The following PRIM2 variants were observed in gnomAD, a reference collection of about 807,000 sequenced individuals.
The protein encoded by PRIM2 is DNA primase large subunit.
PRIM2 carries 39 observed loss-of-function variants against 67.3 expected under a neutral mutation model. The ratio of observed to expected loss-of-function variants is 0.58; its 90% CI spans 0.45 to 0.76. The LOEUF is 0.76. PRIM2 is among the 30% of genes least tolerant of loss of function. PRIM2 has a pLI of 0.00. For missense variants in PRIM2, 398 were observed against 598.7 expected, an observed-to-expected ratio of 0.66 and a Z score of 3.50; for synonymous variants, 143 against 198.7, an observed-to-expected ratio of 0.72 and a Z score of 2.36.
At chr6:57,393,500 A>G (rs1023516195) in intron 7 of PRIM2, among the ~76,000 whole-genome samples, 2 of 151,714 alleles carry the variant, frequency 1.3e-5, no homozygotes, top group African/African-American at 4.8e-5. Flanking sequence ...TTTTGATGGA[A>G]TTGTTTGTTT....
At chr6:57,346,059 G>A (rs1768665902) in intron 5 of PRIM2, among the ~76,000 whole-genome samples, 2 of 152,116 alleles carry the variant, frequency 1.3e-5, no homozygotes, top group African/African-American at 4.8e-5. Flanking sequence ...GTGGGTTTTG[G>A]CTGGCTTCTT....
intron 8 of PRIM2, among the ~76,000 whole-genome samples, chr6:57,510,360 C>G (rs1315918401): frequency 4.6e-5 from 7 of 152,062 alleles, no homozygotes; most frequent in Non-Finnish European, 1.0e-4. Flanking sequence ...TAGAAAACCA[C>G]TGGTTCAAAA....
At chr6:57,293,297 C>T in the PRIM2 span, among the ~76,000 whole-genome samples, 7 of 152,156 alleles carry the variant, frequency 4.6e-5, no homozygotes, top group East Asian at 1.9e-4. Context: ...TACCATCTCA[C>T]GCCTGTTAGA....
At chr6:57,522,318 A>G (rs1774641869) in intron 8 of PRIM2, among the ~76,000 whole-genome samples, 2 of 152,152 alleles carry the variant, frequency 1.3e-5, no homozygotes, top group Non-Finnish European at 2.9e-5. Flanking sequence ...TGGCTATTCT[A>G]TAGGTATACC....
intron 7 of PRIM2, among the ~76,000 whole-genome samples, chr6:57,425,400 A>G (rs1771589543): frequency 1.3e-5 from 2 of 152,176 alleles, no homozygotes; most frequent in South Asian, 4.1e-4. Flanking sequence ...TATTTTTAGT[A>G]GAGATGGGGT....
the PRIM2 span, among the ~76,000 whole-genome samples, chr6:57,300,404 T>G: frequency 2.0e-5 from 3 of 152,178 alleles, no homozygotes; most frequent in Non-Finnish European, 4.4e-5. Context: ...GGATACTTGC[T>G]GTTCATTGCT....
intron 10 of PRIM2, among the ~76,000 whole-genome samples, chr6:57,561,292 C>T (rs1348591092): frequency 9.9e-5 from 15 of 152,284 alleles, no homozygotes; most frequent in Non-Finnish European, 2.1e-4. Context: ...AGTGCAGTGG[C>T]GTGATCTGGG....
chr6:57,552,364 A>G (rs1403675471), intron 10 of PRIM2, among the ~76,000 whole-genome samples: 4 of 151,968 alleles, frequency 2.6e-5, no homozygotes, highest in Non-Finnish European at 4.4e-5. Context: ...TAGGACTGAT[A>G]AGGCAGATTT....
At chr6:57,222,875 C>A in the PRIM2 span, among the ~76,000 whole-genome samples, 1 of 152,184 alleles carries the variant, frequency 6.6e-6, no homozygotes. Context: ...TGGAACAACT[C>A]CTTTGAAAAA....
the PRIM2 span, among the ~76,000 whole-genome samples, chr6:57,277,631 T>G: frequency 2.6e-5 from 4 of 151,956 alleles, no homozygotes; most frequent in East Asian, 7.7e-4. Flanking sequence ...GAAAATGAGT[T>G]GATTTCAGAG....
At chr6:57,600,886 A>G (rs1376758897) in intron 10 of PRIM2, among the ~76,000 whole-genome samples, 1 of 152,146 alleles carries the variant, frequency 6.6e-6, no homozygotes, top group Admixed American at 6.5e-5. Flanking sequence ...TGTTTTCTGT[A>G]AGTTTTGTAC....
At chr6:57,468,531 C>T (rs1220864784) in intron 7 of PRIM2, among the ~76,000 whole-genome samples, 1 of 152,074 alleles carries the variant, frequency 6.6e-6, no homozygotes, top group Non-Finnish European at 1.5e-5. Context: ...TTCGGTTTGC[C>T]AGTATTTTAT....
chr6:57,231,788 T>C, the PRIM2 span, among the ~76,000 whole-genome samples: 1 of 152,174 alleles, frequency 6.6e-6, no homozygotes, highest in Non-Finnish European at 1.5e-5. Context: ...TGTGTAACAA[T>C]TTTATTTACA....
intron 10 of PRIM2, among the ~76,000 whole-genome samples, chr6:57,562,808 C>A (rs1775663905): frequency 6.6e-6 from 1 of 152,160 alleles, no homozygotes; most frequent in African/African-American, 2.4e-5. Flanking sequence ...CCGATGCTCT[C>A]AGCAAATTCT....
chr6:57,597,132 T>C (rs1776380913), intron 10 of PRIM2, among the ~76,000 whole-genome samples: 1 of 151,940 alleles, frequency 6.6e-6, no homozygotes, highest in South Asian at 2.1e-4. Flanking sequence ...CATTCCTAGT[T>C]TAGAAGTGAT....
intron 7 of PRIM2, among the ~76,000 whole-genome samples, chr6:57,398,606 A>G (rs1361136831): frequency 6.6e-6 from 1 of 152,168 alleles, no homozygotes; most frequent in Non-Finnish European, 1.5e-5. Flanking sequence ...TGGTGATGAG[A>G]AGAATGTATA....
At chr6:57,500,745 G>T (rs1446466439) in intron 7 of PRIM2, among the ~76,000 whole-genome samples, 1 of 152,194 alleles carries the variant, frequency 6.6e-6, no homozygotes, top group Non-Finnish European at 1.5e-5. Flanking sequence ...TCTGAGTTAG[G>T]TAAGGACAAT....
chr6:57,396,554 G>A (rs1359792868), intron 7 of PRIM2, among the ~76,000 whole-genome samples: 1 of 152,084 alleles, frequency 6.6e-6, no homozygotes, highest in Non-Finnish European at 1.5e-5. Context: ...TATGTGTTAG[G>A]TGAGTCTCTT....
chr6:57,438,608 A>G lies in PRIM2; in HGVS notation c.693+56440A>G, dbSNP rs1042183899. ...ATACTCTTGGAAAGACTTAGTTTAA[A>G]AAGATCAATTTCTGAAACTTGGAGA... On this transcript the variant is annotated intron_variant, in intron 7 of 13. Coordinates refer to ENST00000615550, the MANE Select transcript of PRIM2 (RefSeq NM_000947.5). Among the ~76,000 whole-genome samples, 5 of 152,340 alleles carry G rather than the reference A, an allele frequency of 3.3e-5. No homozygotes were observed. In the South Asian group the frequency reaches 1.0e-3, roughly 32 times the overall value.
Sources: gnomAD v4.1 joint callset for allele counts (sites outside exome capture counted in the v4.1 genomes callset) on GRCh38, gnomAD v4.1.1 for gene constraint, MANE v1.5 for transcripts, NCBI Gene and HGNC (gene_info 2026-07-23, HGNC 2026-07-21) for gene names.